AGAP1: variants seen among roughly 807,000 people sequenced by gnomAD.
AGAP1 encodes arf-GAP with GTPase, ANK repeat and PH domain-containing protein 1.
A neutral mutation model predicts 105.3 loss-of-function variants in AGAP1; 29 were observed. The ratio of observed to expected loss-of-function variants is 0.28; its 90% confidence interval spans 0.21 to 0.38. The LOEUF (loss-of-function observed/expected upper bound fraction) is 0.38. Among genes scored for constraint, AGAP1 ranks in the 10% least tolerant of loss-of-function variants. The probability of loss-of-function intolerance (pLI) is 1.00; values close to 1 mark genes in which losing one functional copy is unlikely to be tolerated. For missense variants in AGAP1, 998 were observed against 1,165.1 expected (o/e 0.86, Z 2.09); for synonymous variants, 509 against 485.9 (o/e 1.05, Z -0.63).
At position 236,046,096 on chromosome 2, in the gene AGAP1, C is replaced by A; in HGVS notation, c.1892-2963C>A. On this transcript the variant is annotated intron_variant, in intron 15 of 17. Coordinates refer to ENST00000304032, the MANE Select transcript of AGAP1 (RefSeq NM_001037131.3). This position sits in a 1 kb window ranked among gnomAD's most constrained non-coding sequence, Gnocchi z 5.2. ...ATGAGTGGCTTCTGTATCTGCAACC[C>A]ACAGCGGCATGGAGGGCGGTGGGGT... is the stretch of plus-strand genomic sequence containing the variant. The A allele has an allele frequency of 2.2e-6, 1 of 457,652 alleles. No homozygotes were observed. Among genetic ancestry groups the A allele is most frequent in the African/African-American group, 2.0e-5 (1 of 49,960 alleles). The allele number at this position is 457,652 out of a possible 1,614,324, so 28.3% of individuals were successfully genotyped here.
At chr2:235,539,602 A>G (rs1943367089) in intron 1 of AGAP1, among the ~76,000 whole-genome samples, 1 of 152,126 alleles carries the variant, frequency 6.6e-6, no homozygotes, top group Non-Finnish European at 1.5e-5. Flanking sequence ...AAGGAGACCC[A>G]GGTGTGAGGT....
At chr2:235,954,179 C>T (rs898810158) in intron 12 of AGAP1, among the ~76,000 whole-genome samples, 4 of 150,064 alleles carry the variant, frequency 2.7e-5, no homozygotes, top group Admixed American at 1.3e-4. Context: ...GCAGAAGTTG[C>T]GGTGAGCCGA....
At chr2:235,773,571 C>G (rs566542268) in intron 6 of AGAP1, among the ~76,000 whole-genome samples, 3 of 152,136 alleles carry the variant, frequency 2.0e-5, no homozygotes, top group Non-Finnish European at 4.4e-5. Context: ...GGTTTTCGTT[C>G]GATTTAGTTC....
chr2:235,807,409 G>T, intron 9 of AGAP1, 78 bp downstream of exon 9: 4 of 1,320,028 alleles, frequency 3.0e-6, no homozygotes, highest in South Asian at 1.4e-5. Flanking sequence ...GCTGGCTCTC[G>T]CACCAAGGTC....
chr2:235,696,565 AG>A (rs1950007435), intron 1 of AGAP1, among the ~76,000 whole-genome samples: 1 of 152,228 alleles, frequency 6.6e-6, no homozygotes, highest in Non-Finnish European at 1.5e-5. Context: ...CGTGTGGGTC[AG>A]CCGGCTCAAC....
At position 235,665,735 on chromosome 2, in the gene AGAP1, G is replaced by A. The variant is rs1948105849; in HGVS notation, c.164-43444G>A. On this transcript the variant is annotated intron_variant, in intron 1 of 17. Transcript: ENST00000304032. The surrounding 1 kb of genome is among the most constrained non-coding windows in gnomAD (Gnocchi z 5.3). ...GGCTCTTGGTGGGCTCCCGGGGTGG[G>A]CATGCTCAGGCCTGGGCAGTACCAG... Among the ~76,000 whole-genome samples the A allele has an allele frequency of 6.6e-6, 1 of 152,086 alleles. No individual in the cohort carries two copies. Among genetic ancestry groups the A allele is most frequent in the South Asian group, 2.1e-4 (1 of 4,802 alleles).
In AGAP1 at chr2:235,655,128, T is replaced by G. The variant is rs1229244507; in HGVS notation, c.164-54051T>G. Among the ~76,000 whole-genome samples, 2 of 151,954 alleles carry G rather than the reference T, an allele frequency of 1.3e-5. No individual in the cohort carries two copies. The highest frequency in any genetic ancestry group is 2.4e-5 in the African/African-American group (1 of 41,346). On this transcript the variant is annotated intron_variant, in intron 1 of 17. Transcript: ENST00000304032. The surrounding 1 kb of genome is among the most constrained non-coding windows in gnomAD (Gnocchi z 4.3). Reference sequence around the variant, plus strand: ...AAACCTTTGTGCATTTGACACAAGGTCAGCATAGATTTAACAGGAGACATA... The same window carrying G: ...AAACCTTTGTGCATTTGACACAAGGGCAGCATAGATTTAACAGGAGACATA...
At position 235,631,375 on chromosome 2, in the gene AGAP1, G is replaced by T. The variant is rs1052825031; in HGVS notation, c.164-77804G>T. On this transcript the variant is annotated intron_variant, in intron 1 of 17. Transcript: ENST00000304032. The surrounding 1 kb of genome is among the most constrained non-coding windows in gnomAD (Gnocchi z 5.4). ...AGCCAACCATGACCGGCCAGGCTGTGCGAGCTAGCCAAGGAGAGGCCACGA... is the reference window on the plus strand; with the variant it reads ...AGCCAACCATGACCGGCCAGGCTGTTCGAGCTAGCCAAGGAGAGGCCACGA... Among the ~76,000 whole-genome samples the T allele has an allele frequency of 6.6e-6, 1 of 152,188 alleles. No homozygotes were observed. Among genetic ancestry groups the T allele is most frequent in the African/African-American group, 2.4e-5 (1 of 41,448 alleles).
chr2:235,763,607 C>CT (rs1007829752), intron 6 of AGAP1, among the ~76,000 whole-genome samples: 4 of 152,220 alleles, frequency 2.6e-5, no homozygotes, highest in Admixed American at 2.6e-4. Context: ...AATGTTAAGG[C>CT]TTTGAATCCT....
chr2:235,928,859 T>C (rs2052580419), intron 11 of AGAP1, among the ~76,000 whole-genome samples: 1 of 152,206 alleles, frequency 6.6e-6, no homozygotes, highest in Non-Finnish European at 1.5e-5. Context: ...AGCTCTGGGC[T>C]GCTCCTCCAC....
chr2:235,643,867 A>G (rs1301983226), intron 1 of AGAP1, among the ~76,000 whole-genome samples: 2 of 152,140 alleles, frequency 1.3e-5, no homozygotes, highest in Non-Finnish European at 2.9e-5. Context: ...GGCCCCTGGT[A>G]TCTGAGCCAG....
intron 9 of AGAP1, among the ~76,000 whole-genome samples, chr2:235,871,188 G>A (rs1349345199): frequency 6.6e-6 from 1 of 152,200 alleles, no homozygotes; most frequent in Non-Finnish European, 1.5e-5. Flanking sequence ...TTACTCAAGG[G>A]TTTTCTGCTG....
Position 235,700,715 on chromosome 2 carries a change from A to T in AGAP1, c.164-8464A>T, listed in dbSNP as rs1268567322. On this transcript the variant is annotated intron_variant, in intron 1 of 17. Transcript: ENST00000304032. The surrounding 1 kb of genome is among the most constrained non-coding windows in gnomAD (Gnocchi z 6.1). The stretch of plus-strand genomic sequence containing the variant: ...CTCAAGAGACTGAGGCGGGAGAATC[A>T]CTTGAACCCTGGAGGCATAGGTTGC... Among the ~76,000 whole-genome samples, 2 of 151,804 alleles carry T rather than the reference A, an allele frequency of 1.3e-5. No individual in the cohort carries two copies. Among genetic ancestry groups the T allele is most frequent in the African/African-American group, 4.8e-5 (2 of 41,328 alleles).
chr2:235,770,133 C>CTTTTTTTTTTTTTTTTTTTTTTTTTTT, intron 6 of AGAP1, among the ~76,000 whole-genome samples: 1 of 136,654 alleles, frequency 7.3e-6, no homozygotes, highest in Non-Finnish European at 1.6e-5. Context: ...TTCTTTGTTT[C>CTTTTTTTTTTTTTTTTTTTTTTTTTTT]TTTTTTTTTT....
Position 235,789,391 on chromosome 2 carries a change from A to G in AGAP1, c.674-8368A>G, listed in dbSNP as rs996740565. ...ATCCCCCGATTAATAGGAGCAATTA[A>G]ACAATAGCTTCATTTCCAGCAAATT... On this transcript the variant is annotated intron_variant, in intron 6 of 17. Transcript: ENST00000304032. This position sits in a 1 kb window ranked among gnomAD's most constrained non-coding sequence, Gnocchi z 4.2. 1.3e-5 allele frequency among the ~76,000 whole-genome samples: 2 copies of G among 152,326 alleles called. No homozygotes were observed. The highest frequency in any genetic ancestry group is 1.3e-4 in the Admixed American group (2 of 15,304).
intron 6 of AGAP1, among the ~76,000 whole-genome samples, chr2:235,758,166 G>T (rs938565922): frequency 6.6e-6 from 1 of 151,848 alleles, no homozygotes; most frequent in Non-Finnish European, 1.5e-5. Flanking sequence ...GTATATGTGT[G>T]TTAGCGAGGG....
rs1296481944 is a variant in AGAP1 at position 235,793,953 on chromosome 2, T to C, written c.674-3806T>C. Among the ~76,000 whole-genome samples the C allele has an allele frequency of 1.3e-5, 2 of 152,220 alleles. No individual in the cohort carries two copies. The highest frequency in any genetic ancestry group is 2.9e-5 in the Non-Finnish European group (2 of 68,044). The stretch of plus-strand genomic sequence containing the variant: ...TTTTTTGTTAAGTTCTTAAACTTTT[T>C]TTTTATTATTGAAGAATGGAAACAT... On this transcript the variant is annotated intron_variant, in intron 6 of 17. Transcript: ENST00000304032. This position sits in a 1 kb window ranked among gnomAD's most constrained non-coding sequence, Gnocchi z 5.3.
chr2:235,717,709 A>G (rs1951189857), intron 3 of AGAP1, 65 bp downstream of exon 3: 2 of 1,358,118 alleles, frequency 1.5e-6, no homozygotes, highest in Non-Finnish European at 1.0e-6. Context: ...TCCTTAGCAT[A>G]TTATAAATCA....
At chr2:235,782,415 A>C (rs1347087364) in intron 6 of AGAP1, among the ~76,000 whole-genome samples, 1 of 152,176 alleles carries the variant, frequency 6.6e-6, no homozygotes, top group Non-Finnish European at 1.5e-5. Context: ...AAAATTTCAC[A>C]AGCTGTAATT....
Sources: allele counts gnomAD v4.1 joint callset (sites outside exome capture counted in the v4.1 genomes callset), GRCh38; gene constraint gnomAD v4.1.1; non-coding constraint Gnocchi (gnomAD v3.1); transcripts MANE v1.5; gene names NCBI Gene and HGNC (gene_info 2026-07-23, HGNC 2026-07-21).